The following LILRB1 variants were observed in gnomAD, a reference collection of about 807,000 sequenced individuals.
LILRB1 encodes the protein leukocyte immunoglobulin like receptor B1.
LILRB1 carries 59 observed loss-of-function variants against 74.6 expected under a neutral mutation model. The ratio of observed to expected loss-of-function variants is 0.79; its 90% CI spans 0.64 to 0.98. LILRB1 has a LOEUF of 0.98. Ranked by LOEUF, LILRB1 falls within the 50% of genes least tolerant of loss-of-function variation. The pLI, the probability that LILRB1 is intolerant of heterozygous loss-of-function variation, is 0.00. For synonymous variants in LILRB1, 328 were observed against 333.9 expected (o/e 0.98, Z 0.19); for missense variants, 804 against 822.6 (o/e 0.98, Z 0.28).
chr19:54,636,401 G>T, intron 13 of LILRB1, 93 bp from the exon 14 acceptor site: 1 of 1,566,512 alleles, frequency 6.4e-7, no homozygotes, highest in South Asian at 1.2e-5. Context: ...TCGGGAAAGG[G>T]ATGTAATCGG....
rs1457895644 is a variant in LILRB1 at position 54,630,528 on chromosome 19, C to T, written c.-154C>T. 1.1e-5 allele frequency: 6 copies of T among 526,302 alleles called. No homozygotes were observed. The highest frequency in any genetic ancestry group is 2.1e-5 in the Non-Finnish European group (6 of 279,500). The allele number at this position is 526,302 out of a possible 1,614,324, so 32.6% of individuals were successfully genotyped here. On this transcript the variant is annotated 5_prime_UTR_variant, in exon 1 of 15. Coordinates refer to ENST00000324602, the MANE Select transcript of LILRB1 (RefSeq NM_001081637.3). ...ACTGCCACACGCAGCTCAGCCTGGGCGGCACAGCCAGATGCGAGATGCGTC... is the reference window on the plus strand; with the variant it reads ...ACTGCCACACGCAGCTCAGCCTGGGTGGCACAGCCAGATGCGAGATGCGTC...
intron 1 of LILRB1, 148 bp downstream of exon 1, chr19:54,630,781 C>T (rs559113705): frequency 1.4e-6 from 1 of 739,082 alleles, no homozygotes; most frequent in African/African-American, 1.7e-5. Flanking sequence ...CTGCTACATC[C>T]TGGCTCTCAG....
At chr19:54,635,458 A>C (rs2064312336) in intron 12 of LILRB1, 99 bp from the exon 13 acceptor site, 1 of 1,529,442 alleles carries the variant, frequency 6.5e-7, no homozygotes, top group African/African-American at 1.4e-5. Context: ...CCCTCCCTGC[A>C]TCTCAGTGGC....
chr19:54,622,062 A>T (rs985108549), intron 1 of LILRB1, among the ~76,000 whole-genome samples: 4 of 152,194 alleles, frequency 2.6e-5, no homozygotes, highest in African/African-American at 9.7e-5. Flanking sequence ...TTTTTGTACT[A>T]GTAAATGCTG....
intron 13 of LILRB1, 115 bp from the exon 14 acceptor site, chr19:54,636,379 C>T: frequency 6.5e-7 from 1 of 1,539,122 alleles, no homozygotes; most frequent in Non-Finnish European, 8.8e-7. Flanking sequence ...TTAGGGCGTC[C>T]CTGAGATTCC....
rs375408978 is a variant in LILRB1 at position 54,632,552 on chromosome 19, T to C, written c.750T>C (p.Ala250=). The change falls in exon 6 of 15, where the codon GCT becomes GCC. Residue 250 remains alanine, a synonymous_variant. Coordinates refer to ENST00000324602, the MANE Select transcript of LILRB1 (RefSeq NM_001081637.3). ...ETLTLQCGSD[A]GYNRFVLYKD... ...TGACTCTGCAGTGTGGCTCTGATGC[T>C]GGCTACAACAGATTTGTTCTGTATA... 4.4e-4 allele frequency: 715 copies of C among 1,613,934 alleles called. No individual in the cohort carries two copies. The highest frequency in any genetic ancestry group is 5.7e-4 in the Non-Finnish European group (669 of 1,179,992).
chr19:54,631,288 C>A lies in LILRB1; in HGVS notation c.52C>A (p.Arg18=), dbSNP rs1985501. Residue 18 remains arginine (R), a synonymous_variant, in exon 3 of 15, where the codon CGG becomes AGG. Coordinates refer to ENST00000324602, the MANE Select transcript of LILRB1 (RefSeq NM_001081637.3). ...LICLGLSLGP[R]THVQAGHLPK... ...TCTTCCAGGGCTGAGTCTGGGCCCC[C>A]GGACCCACGTGCAGGCAGGTGAGTC... 0.67 allele frequency: 1,061,291 copies of A among 1,583,284 alleles called. 354,143 individuals carry two copies. Among genetic ancestry groups the A allele is most frequent in the South Asian group, 0.72 (63,716 of 88,948 alleles).
In LILRB1 at chr19:54,636,562, A is replaced by G. The variant is rs558375509; in HGVS notation, c.1722A>G (p.Arg574=). 1.2e-6 allele frequency: 2 copies of G among 1,611,490 alleles called. No homozygotes were observed. The highest frequency in any genetic ancestry group is 2.7e-5 in the African/African-American group (2 of 74,752). The change falls in exon 14 of 15, where the codon AGA becomes AGG. Residue 574 remains arginine (R), a synonymous_variant. Coordinates refer to ENST00000324602, the MANE Select transcript of LILRB1 (RefSeq NM_001081637.3). ...AGGTGAAACACTCCAGACCTAGGAG[A>G]GAAATGGCCTCTCCTCCTTCCCCAC... The part of the protein sequence containing the change: ...YAEVKHSRPR[R]EMASPPSPLS...
chr19:54,617,110 C>T (rs1191806295), upstream of LILRB1: 1 of 151,828 alleles, frequency 6.6e-6, no homozygotes, highest in East Asian at 1.9e-4. Flanking sequence ...CTGTGACCCA[C>T]TGCACAAACC....
chr19:54,633,192 C>T lies in LILRB1; in HGVS notation c.1135C>T (p.Gln379Ter), dbSNP rs1468046183. 1 of 1,614,214 alleles carries T rather than the reference C, an allele frequency of 6.2e-7. No homozygotes were observed. The highest frequency in any genetic ancestry group is 8.5e-7 in the Non-Finnish European group (1 of 1,180,018). Reference sequence around the variant, plus strand: ...ATCAACGTACCAATCTCAAAAATACCAGGCTGAATTCCCCATGGGTCCTGT... The same window carrying T: ...ATCAACGTACCAATCTCAAAAATACTAGGCTGAATTCCCCATGGGTCCTGT... ...LRSTYQSQKY[Q>*]AEFPMGPVTS... The change falls in exon 7 of 15, where the codon CAG (glutamine) becomes TAG (stop). Residue 379 changes from glutamine (Q) to a stop codon, truncating the protein, a stop_gained. Transcript: ENST00000324602. LOFTEE classifies it high-confidence loss of function.
Position 54,631,670 on chromosome 19 carries a change from G to A in LILRB1, c.241G>A (p.Gly81Ser), listed in dbSNP as rs376666548. ...TRIPQELVKKGQFPIPSITWE... is the reference protein window; with the variant it reads ...TRIPQELVKKSQFPIPSITWE... ...GATCCCACAGGAGCTTGTGAAGAAGGGCCAGTTCCCCATCCCATCCATCAC... is the reference window on the plus strand; with the variant it reads ...GATCCCACAGGAGCTTGTGAAGAAGAGCCAGTTCCCCATCCCATCCATCAC... Residue 81 changes from glycine to serine, a missense_variant, in exon 4 of 15, where the codon GGC becomes AGC. Gly to Ser is a moderately conservative substitution (Grantham distance 56). Transcript: ENST00000324602. 1.9e-6 allele frequency: 3 copies of A among 1,614,166 alleles called. No homozygotes were observed. The highest frequency in any genetic ancestry group is 1.3e-5 in the African/African-American group (1 of 74,962).
At chr19:54,619,953 C>CAT (rs1568562181) in intron 1 of LILRB1, among the ~76,000 whole-genome samples, 66 of 30,814 alleles carry the variant, frequency 2.1e-3, no homozygotes, top group Middle Eastern at 0.028. Flanking sequence ...TGTTAAACCT[C>CAT]GTTTTTTTTT....
upstream of LILRB1, among the ~76,000 whole-genome samples, chr19:54,626,944 G>A (rs769279484): frequency 6.6e-6 from 1 of 152,208 alleles, no homozygotes; most frequent in African/African-American, 2.4e-5. Context: ...GTCCAGCAGT[G>A]ATAAAGCGCA....
intron 9 of LILRB1, 102 bp downstream of exon 9, chr19:54,634,123 G>C: frequency 6.5e-7 from 1 of 1,537,220 alleles, no homozygotes; most frequent in Non-Finnish European, 8.8e-7. Flanking sequence ...ATATAGACAG[G>C]CTCCTCCCCT....
chr19:54,629,144 C>T (rs4112256), upstream of LILRB1, among the ~76,000 whole-genome samples: 1,027 of 152,178 alleles, frequency 6.7e-3, 9 homozygotes, highest in African/African-American at 0.024. Context: ...TTCAACCAAA[C>T]GGGGGTCAAA....
upstream of LILRB1, among the ~76,000 whole-genome samples, chr19:54,627,686 G>A (rs1453245209): frequency 6.6e-6 from 1 of 152,182 alleles, no homozygotes; most frequent in Non-Finnish European, 1.5e-5. Context: ...TTTCTAAGCA[G>A]CTCTGTCAGC....
intron 9 of LILRB1, chr19:54,634,263 C>T (rs1218106678): frequency 4.6e-6 from 7 of 1,520,008 alleles, no homozygotes; most frequent in South Asian, 3.7e-5. Flanking sequence ...GACCCGATTC[C>T]GCGGGGGCCT....
chr19:54,636,349 C>T (rs894927236), intron 13 of LILRB1, 145 bp from the exon 14 acceptor site: 82 of 1,443,710 alleles, frequency 5.7e-5, no homozygotes, highest in East Asian at 5.6e-4. Context: ...AGCGAGGGAG[C>T]GGCCAGACCC....
At chr19:54,620,185 C>T (rs1362844519) in intron 1 of LILRB1, among the ~76,000 whole-genome samples, 1 of 151,744 alleles carries the variant, frequency 6.6e-6, no homozygotes, top group African/African-American at 2.4e-5. Context: ...AACTCTGAGA[C>T]CTGTGATTAC....
Sources: allele counts gnomAD v4.1 joint callset (sites outside exome capture counted in the v4.1 genomes callset), GRCh38; gene constraint gnomAD v4.1.1; transcripts MANE v1.5; gene names NCBI Gene and HGNC (gene_info 2026-07-23, HGNC 2026-07-21).